Variants in PTPRF observed in about 807,000 individuals in gnomAD.
PTPRF encodes the protein receptor-type tyrosine-protein phosphatase F.
Under a neutral mutation model 201.8 loss-of-function variants are expected in PTPRF, and 59 were observed. That is an observed-to-expected ratio of 0.29 (90% CI 0.24 to 0.36). The LOEUF is 0.36. Among genes scored for constraint, PTPRF ranks in the 10% least tolerant of loss-of-function variants. The pLI is 1.00. For missense variants in PTPRF, 2,132 were observed against 2,690.5 expected, an observed-to-expected ratio of 0.79 and a Z score of 4.59; for synonymous variants, 1,088 against 1,089.7, an observed-to-expected ratio of 1.00 and a Z score of 0.03.
At chr1:43,599,733 T>TGG (rs3838476) in intron 13 of PTPRF, among the ~76,000 whole-genome samples, 4 of 152,128 alleles carry the variant, frequency 2.6e-5, no homozygotes, top group East Asian at 3.9e-4. Context: ...CTTGGAATGC[T>TGG]GGGGGGTTAT....
intron 2 of PTPRF, among the ~76,000 whole-genome samples, chr1:43,539,766 T>G (rs1011634218): frequency 5.9e-5 from 9 of 152,066 alleles, no homozygotes; most frequent in African/African-American, 1.7e-4. Flanking sequence ...AATAGGTACC[T>G]GAAGGTGGAG....
intron 6 of PTPRF, among the ~76,000 whole-genome samples, chr1:43,570,596 G>A (rs1646501406): frequency 6.6e-6 from 1 of 152,236 alleles, no homozygotes. Flanking sequence ...ATGAAAAGGA[G>A]GACATGACTC....
In PTPRF at chr1:43,545,157, C is replaced by T; in HGVS notation, c.82C>T (p.His28Tyr). The change falls in exon 3 of 34, where the codon CAT (histidine) becomes TAT (tyrosine). Residue 28 changes from histidine (H) to tyrosine (Y), a missense_variant. Around this residue, in one of 6 missense-constraint regions of PTPRF, gnomAD observed 297 missense variants for 454.0 expected, o/e 0.65. Coordinates refer to ENST00000359947, the MANE Select transcript of PTPRF (RefSeq NM_002840.5). ...LVMLGLVAGA[H>Y]GDSKPVFIKV... Reference sequence around the variant, plus strand: ...GATGCTTGGTTTGGTGGCAGGCGCCCATGGTGACAGTAAGTCTGACCCCTC... The same window carrying T: ...GATGCTTGGTTTGGTGGCAGGCGCCTATGGTGACAGTAAGTCTGACCCCTC... 6.3e-7 allele frequency: 1 copy of T among 1,578,550 alleles called. No individual in the cohort carries two copies. The highest frequency in any genetic ancestry group is 1.4e-5 in the African/African-American group (1 of 74,066).
chr1:43,577,424 G>A (rs1346842329), intron 6 of PTPRF, among the ~76,000 whole-genome samples: 1 of 152,192 alleles, frequency 6.6e-6, no homozygotes, highest in East Asian at 1.9e-4. Flanking sequence ...AAAGAGGCAG[G>A]CTGGTCCTGT....
Position 43,597,988 on chromosome 1 carries a change from G to A in PTPRF, c.2054G>A (p.Arg685Gln), listed in dbSNP as rs775382791. The change falls in exon 12 of 34, where the codon CGG becomes CAG. Residue 685 changes from arginine (R) to glutamine (Q), a missense_variant. Physicochemically the swap from Arg to Gln is conservative, Grantham distance 43 (BLOSUM62 1). This residue lies in a region of PTPRF where 125 missense variants were observed against 211.9 expected (regional missense o/e 0.59). Transcript: ENST00000359947. ...TGGACGGAGTACCGGGTGTGGGTGC[G>A]GGCACACACAGACGTGGGCCCCGGC... is the stretch of plus-strand genomic sequence containing the variant. ...EKWTEYRVWV[R>Q]AHTDVGPGPE... 2 of 1,541,910 alleles carry A rather than the reference G, an allele frequency of 1.3e-6. No individual in the cohort carries two copies. The highest frequency in any genetic ancestry group is 1.4e-5 in the African/African-American group (1 of 73,092).
intron 23 of PTPRF, among the ~76,000 whole-genome samples, chr1:43,616,735 C>G (rs1657951058): frequency 6.6e-6 from 1 of 152,090 alleles, no homozygotes; most frequent in Non-Finnish European, 1.5e-5. Flanking sequence ...GTTGAAGGAC[C>G]TCCCGGTGGA....
intron 12 of PTPRF, chr1:43,598,466 C>T: frequency 1.9e-6 from 1 of 520,590 alleles, no homozygotes; most frequent in Admixed American, 3.6e-5. Context: ...CCACCTGTTC[C>T]CCCATGTCGA....
chr1:43,605,322 C>T lies in PTPRF; in HGVS notation c.3268C>T (p.Leu1090=), dbSNP rs1654819928. Residue 1090 remains leucine (L), a synonymous_variant, in exon 18 of 34, where the codon CTG becomes TTG. Transcript: ENST00000359947. ...RGSSAGGLQH[L]VSIRTAPDLL... ...CAGCAGCGCAGGGGGCCTGCAGCAC[C>T]TGGTGTCCATCCGCACAGCCCCCGA... 9 of 1,613,658 alleles carry T rather than the reference C, an allele frequency of 5.6e-6. No individual in the cohort carries two copies. Among genetic ancestry groups the T allele is most frequent in the South Asian group, 1.1e-5 (1 of 91,080 alleles).
intron 6 of PTPRF, among the ~76,000 whole-genome samples, chr1:43,572,949 T>TCCAGACC (rs1646672669): frequency 1.3e-5 from 2 of 151,924 alleles, no homozygotes; most frequent in African/African-American, 2.4e-5. Context: ...TCCCAGCTTC[T>TCCAGACC]CCAGACCCCA....
chr1:43,620,500 A>G lies in PTPRF; in HGVS notation c.5285A>G (p.Gln1762Arg). ...YWPAERSARY[Q>R]YFVVDPMAEY... Reference sequence around the variant, plus strand: ...CCAGCAGAGCGCTCTGCTCGCTACCAGTACTTTGTTGTTGACCCGATGGCT... The same window carrying G: ...CCAGCAGAGCGCTCTGCTCGCTACCGGTACTTTGTTGTTGACCCGATGGCT... Residue 1762 changes from glutamine to arginine, a missense_variant, in exon 31 of 34, where the codon CAG (glutamine) becomes CGG (arginine). By Grantham distance (43) the Gln-to-Arg change is conservative. Transcript: ENST00000359947. 1.2e-6 allele frequency: 2 copies of G among 1,613,440 alleles called. No individual in the cohort carries two copies. The highest frequency in any genetic ancestry group is 1.7e-6 in the Non-Finnish European group (2 of 1,179,358).
intron 3 of PTPRF, among the ~76,000 whole-genome samples, chr1:43,549,747 C>T (rs1415069719): frequency 2.0e-5 from 3 of 151,848 alleles, no homozygotes; most frequent in Non-Finnish European, 2.9e-5. Context: ...CCCAGCTACT[C>T]GGGAGGCTGA....
intron 5 of PTPRF, among the ~76,000 whole-genome samples, chr1:43,566,872 G>A (rs1192484854): frequency 6.6e-6 from 1 of 152,178 alleles, no homozygotes; most frequent in Admixed American, 6.5e-5. Flanking sequence ...AGGCTCTGGC[G>A]GCAGTGCCTG....
At chr1:43,589,997 G>A (rs1253578983) in intron 8 of PTPRF, among the ~76,000 whole-genome samples, 1 of 152,162 alleles carries the variant, frequency 6.6e-6, no homozygotes, top group African/African-American at 2.4e-5. Context: ...CTCCCTTTTA[G>A]GAAAGGGAGA....
At chr1:43,610,348 G>A (rs11210887) in intron 22 of PTPRF, among the ~76,000 whole-genome samples, 80,558 of 152,172 alleles carry the variant, frequency 0.53, 25,367 homozygotes, top group Non-Finnish European at 0.7. Flanking sequence ...TGGTTATTCT[G>A]CATGTCAAAT....
In PTPRF at chr1:43,554,852, TCTTTC is replaced by T. The variant is rs1442118896; in HGVS notation, c.379+912_379+916del. Among the ~76,000 whole-genome samples the T allele has an allele frequency of 1.3e-5, 2 of 150,610 alleles. No homozygotes were observed. The highest frequency in any genetic ancestry group is 4.9e-5 in the African/African-American group (2 of 40,474). On this transcript the variant is annotated intron_variant, in intron 5 of 33. Transcript: ENST00000359947. This position sits in a 1 kb window ranked among gnomAD's most constrained non-coding sequence, Gnocchi z 4.1. ...CTTGCTTTTTTTTCTTTTCTTTCTT[TCTTTC>T]TTTTTTTTTTTTTGAGATGCAGTCT...
chr1:43,607,233 C>A (rs577915563), intron 21 of PTPRF, among the ~76,000 whole-genome samples: 2 of 152,248 alleles, frequency 1.3e-5, no homozygotes, highest in Non-Finnish European at 2.9e-5. Flanking sequence ...ATCCCTGGCA[C>A]GTCTGTCTGT....
At chr1:43,557,261 C>T (rs1252461482) in intron 5 of PTPRF, among the ~76,000 whole-genome samples, 1 of 152,232 alleles carries the variant, frequency 6.6e-6, no homozygotes, top group Non-Finnish European at 1.5e-5. Context: ...TGCCACTGCC[C>T]TGGGCAGCCT....
intron 5 of PTPRF, among the ~76,000 whole-genome samples, chr1:43,563,647 C>T (rs908975245): frequency 5.3e-5 from 8 of 152,124 alleles, no homozygotes; most frequent in Non-Finnish European, 1.0e-4. Flanking sequence ...GGGGTGCTGC[C>T]GAGAGGCCCG....
intron 23 of PTPRF, among the ~76,000 whole-genome samples, chr1:43,616,184 A>G (rs1414840666): frequency 6.6e-6 from 1 of 151,330 alleles, no homozygotes; most frequent in African/African-American, 2.4e-5. Context: ...ATTGCGTGCT[A>G]TGCTGAGAAC....
Sources: gnomAD v4.1 joint callset for allele counts (sites outside exome capture counted in the v4.1 genomes callset) on GRCh38, gnomAD v4.1.1 for gene constraint, gnomAD v4.1.1 regional missense constraint, Gnocchi (gnomAD v3.1) non-coding constraint, MANE v1.5 for transcripts, NCBI Gene and HGNC (gene_info 2026-07-23, HGNC 2026-07-21) for gene names.